Variants in CFAP54 observed in about 807,000 individuals in gnomAD.
CFAP54 encodes the protein cilia- and flagella-associated protein 54.
In CFAP54, 290 loss-of-function variants were observed where a neutral mutation model predicts 370.4. The ratio of observed to expected loss-of-function variants is 0.78; its 90% CI spans 0.71 to 0.86. CFAP54 has a LOEUF of 0.86. CFAP54 is among the 40% of genes least tolerant of loss of function. The probability of loss-of-function intolerance (pLI) is 0.00; values close to 1 mark genes in which losing one functional copy is unlikely to be tolerated. For synonymous variants in CFAP54, 1,206 were observed against 1,236.5 expected, an observed-to-expected ratio of 0.98 and a Z score of 0.52; for missense variants, 3,399 against 3,528.7, an observed-to-expected ratio of 0.96 and a Z score of 0.93.
chr12:96,683,824 C>T (rs1412794640), intron 40 of CFAP54, among the ~76,000 whole-genome samples: 1 of 151,820 alleles, frequency 6.6e-6, no homozygotes, highest in Non-Finnish European at 1.5e-5. Flanking sequence ...TGGAGTCTCA[C>T]TCTGTTGCCC....
chr12:96,512,644 A>G (rs117625379), intron 4 of CFAP54, among the ~76,000 whole-genome samples: 4,174 of 152,026 alleles, frequency 0.027, 87 homozygotes, highest in Non-Finnish European at 0.046. Flanking sequence ...ACAGCTGGGA[A>G]CCAGTAATAT....
In CFAP54 at chr12:96,533,839, C is replaced by G. The variant is rs1955470153; in HGVS notation, c.1405C>G (p.Leu469Val). 6.5e-7 allele frequency: 1 copy of G among 1,533,526 alleles called. No homozygotes were observed. Among genetic ancestry groups the G allele is most frequent in the Non-Finnish European group, 8.7e-7 (1 of 1,146,088 alleles). The allele number at this position is 1,533,526 out of a possible 1,614,324, so 95.0% of individuals were successfully genotyped here. The change falls in exon 10 of 68, where the codon CTT becomes GTT. Residue 469 changes from leucine (L) to valine (V), a missense_variant. Leu to Val is a conservative substitution (Grantham distance 32). This residue lies in a region of CFAP54 where 559 missense variants were observed against 576.7 expected (regional missense o/e 0.97). Transcript: ENST00000524981. Reference protein sequence around the residue: ...DGMLDFPKTSLLELMIGRKDV... With the variant: ...DGMLDFPKTSVLELMIGRKDV... ...AATGCTTGATTTTCCAAAAACATCT[C>G]TTCTGGAACTTATGATAGGAAGAAA...
intron 52 of CFAP54, among the ~76,000 whole-genome samples, chr12:96,743,188 C>A (rs1482824586): frequency 6.6e-6 from 1 of 152,150 alleles, no homozygotes; most frequent in Non-Finnish European, 1.5e-5. Flanking sequence ...GCAATATCAT[C>A]ATTTTTGCAG....
chr12:96,540,578 T>C (rs1315485516), intron 13 of CFAP54, among the ~76,000 whole-genome samples: 2 of 152,240 alleles, frequency 1.3e-5, no homozygotes, highest in Admixed American at 1.3e-4. Flanking sequence ...ATAATGGCTA[T>C]AGATGTGCAG....
chr12:96,672,590 A>T (rs1957160374), intron 39 of CFAP54, among the ~76,000 whole-genome samples: 2 of 152,194 alleles, frequency 1.3e-5, no homozygotes, highest in African/African-American at 2.4e-5. Flanking sequence ...TGATAATCAG[A>T]TTACCCCTCA....
intron 40 of CFAP54, among the ~76,000 whole-genome samples, chr12:96,681,515 C>T (rs781438342): frequency 2.6e-5 from 4 of 152,064 alleles, no homozygotes; most frequent in South Asian, 2.1e-4. Context: ...CCACCAGTCC[C>T]CACAAGAAGC....
chr12:96,724,153 T>C (rs1219074891), intron 50 of CFAP54, among the ~76,000 whole-genome samples: 2 of 150,820 alleles, frequency 1.3e-5, no homozygotes, highest in African/African-American at 2.5e-5. Flanking sequence ...CATGTGTCTT[T>C]ATAGCAGCAT....
intron 39 of CFAP54, among the ~76,000 whole-genome samples, chr12:96,671,740 G>A (rs561746352): frequency 7.2e-5 from 11 of 152,132 alleles, no homozygotes; most frequent in Admixed American, 2.6e-4. Context: ...TGGCCAACAC[G>A]GTGAAACCCC....
At chr12:96,506,864 G>T in intron 3 of CFAP54, 64 bp from the exon 4 acceptor site, 6 of 1,407,800 alleles carry the variant, frequency 4.3e-6, no homozygotes, top group Non-Finnish European at 5.7e-6. Context: ...TGGGATTACA[G>T]GTGTGAGCTA....
At chr12:96,543,574 T>C (rs943075821) in intron 14 of CFAP54, among the ~76,000 whole-genome samples, 2 of 150,546 alleles carry the variant, frequency 1.3e-5, no homozygotes, top group Admixed American at 1.3e-4. Flanking sequence ...GTTTGGCTAG[T>C]CTGGTTATTT....
At chr12:96,662,966 A>G (rs1275135352) in intron 38 of CFAP54, among the ~76,000 whole-genome samples, 1 of 152,154 alleles carries the variant, frequency 6.6e-6, no homozygotes, top group Non-Finnish European at 1.5e-5. Context: ...TTTGTTTATT[A>G]TCTGTCTTCT....
chr12:96,645,055 A>C (rs1956773161), intron 33 of CFAP54: 1 of 421,890 alleles, frequency 2.4e-6, no homozygotes, highest in African/African-American at 2.1e-5. Context: ...TATAGAATAA[A>C]TGTAGATATT....
At chr12:96,529,693 C>T (rs531668743) in intron 9 of CFAP54, among the ~76,000 whole-genome samples, 4 of 152,106 alleles carry the variant, frequency 2.6e-5, no homozygotes, top group South Asian at 2.1e-4. Context: ...TTTTTTCTGT[C>T]GATTCATAGG....
At chr12:96,685,802 T>C (rs979929037) in intron 42 of CFAP54, among the ~76,000 whole-genome samples, 18 of 152,188 alleles carry the variant, frequency 1.2e-4, no homozygotes, top group South Asian at 4.1e-4. Context: ...TCTGCCCACC[T>C]CAGCTTCCCA....
At chr12:96,653,690 T>C (rs1035394833) in intron 36 of CFAP54, among the ~76,000 whole-genome samples, 1 of 151,774 alleles carries the variant, frequency 6.6e-6, no homozygotes, top group Non-Finnish European at 1.5e-5. Flanking sequence ...TCTAAATGTT[T>C]ATATATAGAA....
intron 39 of CFAP54, among the ~76,000 whole-genome samples, chr12:96,678,207 A>G (rs1424753584): frequency 6.6e-6 from 1 of 152,178 alleles, no homozygotes; most frequent in South Asian, 2.1e-4. Context: ...GTGAGGATCA[A>G]CTGAGATTAA....
intron 26 of CFAP54, among the ~76,000 whole-genome samples, chr12:96,608,894 AAG>A (rs1956327929): frequency 6.6e-6 from 1 of 152,220 alleles, no homozygotes; most frequent in African/African-American, 2.4e-5. Context: ...AAGAAGGAAA[AAG>A]AGAAGATATA....
chr12:96,729,919 C>G (rs1460489371), intron 50 of CFAP54, among the ~76,000 whole-genome samples: 2 of 152,122 alleles, frequency 1.3e-5, no homozygotes, highest in Non-Finnish European at 1.5e-5. Context: ...AGGGTCAAGA[C>G]AAATTCTCTT....
At chr12:96,860,549 G>A (rs998390018) in intron 66 of CFAP54, among the ~76,000 whole-genome samples, 1 of 152,102 alleles carries the variant, frequency 6.6e-6, no homozygotes, top group Non-Finnish European at 1.5e-5. Flanking sequence ...TAGGAGAAGG[G>A]CCAAAAGTCT....
Sources: allele counts gnomAD v4.1 joint callset (sites outside exome capture counted in the v4.1 genomes callset), GRCh38; gene constraint gnomAD v4.1.1; regional missense constraint gnomAD v4.1.1; transcripts MANE v1.5; gene names NCBI Gene and HGNC (gene_info 2026-07-23, HGNC 2026-07-21).